Variants in ST3GAL3 observed in about 807,000 individuals in gnomAD.
ST3GAL3 encodes CMP-N-acetylneuraminate-beta-1,4-galactoside alpha-2,3-sialyltransferase.
Under a neutral mutation model 50.1 loss-of-function variants are expected in ST3GAL3, and 21 were observed. That is an observed-to-expected ratio of 0.42 (90% CI 0.30 to 0.60). The LOEUF is 0.60. Among genes scored for constraint, ST3GAL3 ranks in the 20% least tolerant of loss-of-function variants. The pLI is 0.19. For synonymous variants in ST3GAL3, 183 were observed against 190.0 expected, an observed-to-expected ratio of 0.96 and a Z score of 0.30; for missense variants, 353 against 489.4, an observed-to-expected ratio of 0.72 and a Z score of 2.63.
intron 2 of ST3GAL3, among the ~76,000 whole-genome samples, chr1:43,749,635 T>C (rs1476529248): frequency 6.6e-6 from 1 of 152,142 alleles, no homozygotes; most frequent in African/African-American, 2.4e-5. Context: ...AGATATTTCA[T>C]ACAAAAAAAA....
chr1:43,806,725 C>T (rs2059928196), intron 3 of ST3GAL3, among the ~76,000 whole-genome samples: 1 of 152,184 alleles, frequency 6.6e-6, no homozygotes, highest in Non-Finnish European at 1.5e-5. Context: ...GTCTTACTCC[C>T]GTTGCCCAGG....
Position 43,899,648 on chromosome 1 carries a change from G to A in ST3GAL3, c.665G>A (p.Arg222His), listed in dbSNP as rs1317991511. 7.4e-6 allele frequency: 12 copies of A among 1,614,152 alleles called. No homozygotes were observed. Among genetic ancestry groups the A allele is most frequent in the Admixed American group, 1.7e-5 (1 of 60,022 alleles). Residue 222 changes from arginine (R) to histidine (H), a missense_variant, in exon 9 of 12, where the codon CGC becomes CAC. By Grantham distance (29) the Arg-to-His change is conservative. Transcript: ENST00000347631. This position sits in a 1 kb window ranked among gnomAD's most constrained non-coding sequence, Gnocchi z 5.4. Reference sequence around the variant, plus strand: ...ATGCAGCGGCCTGAGCAGTACGAGCGCGATTCTCTCTTTGTCCTCGCCGGC... The same window carrying A: ...ATGCAGCGGCCTGAGCAGTACGAGCACGATTCTCTCTTTGTCCTCGCCGGC... ...GAMQRPEQYE[R>H]DSLFVLAGFK...
intron 1 of ST3GAL3, among the ~76,000 whole-genome samples, chr1:43,724,320 C>T (rs549836422): frequency 6.6e-6 from 1 of 152,088 alleles, no homozygotes; most frequent in Non-Finnish European, 1.5e-5. Flanking sequence ...AAGTGATCCT[C>T]CTGCTTCAGC....
chr1:43,887,062 T>G (rs2076091496), intron 5 of ST3GAL3, among the ~76,000 whole-genome samples: 1 of 152,136 alleles, frequency 6.6e-6, no homozygotes, highest in Non-Finnish European at 1.5e-5. Flanking sequence ...TATCTGATGG[T>G]CTTGGTTTTT....
chr1:43,756,547 T>TAC (rs36004035), intron 2 of ST3GAL3, among the ~76,000 whole-genome samples: 102,431 of 150,648 alleles, frequency 0.68, 35,072 homozygotes, highest in Non-Finnish European at 0.73. Context: ...ATGTATTGTA[T>TAC]ACACACACAC....
chr1:43,810,868 C>T (rs1216771974), intron 3 of ST3GAL3, among the ~76,000 whole-genome samples: 1 of 152,050 alleles, frequency 6.6e-6, no homozygotes, highest in Non-Finnish European at 1.5e-5. Context: ...AGAGTACAGG[C>T]AATAGAGGGA....
intron 9 of ST3GAL3, among the ~76,000 whole-genome samples, chr1:43,908,832 A>G (rs2080280633): frequency 6.6e-6 from 1 of 152,012 alleles, no homozygotes; most frequent in Admixed American, 6.6e-5. Flanking sequence ...GGGTTTCGCC[A>G]TGTTGGCCAG....
chr1:43,716,611 A>G (rs1667517351), intron 1 of ST3GAL3: 3 of 152,210 alleles, frequency 2.0e-5, no homozygotes, highest in Non-Finnish European at 4.4e-5. Flanking sequence ...CATCTGTACT[A>G]CATGAACCGT....
chr1:43,896,986 A>G (rs2077475730), intron 6 of ST3GAL3, among the ~76,000 whole-genome samples: 2 of 150,024 alleles, frequency 1.3e-5, no homozygotes, highest in African/African-American at 4.9e-5. Context: ...ATATTTTTTT[A>G]ATGTGTTTTT....
chr1:43,818,929 G>A (rs1249688626), intron 4 of ST3GAL3, among the ~76,000 whole-genome samples: 2 of 152,168 alleles, frequency 1.3e-5, no homozygotes, highest in Non-Finnish European at 2.9e-5. Context: ...AACTCTTTTG[G>A]CAAAGGGCCA....
chr1:43,889,341 TTGAA>T (rs1041456528), intron 5 of ST3GAL3, among the ~76,000 whole-genome samples: 1 of 152,182 alleles, frequency 6.6e-6, no homozygotes, highest in African/African-American at 2.4e-5. Flanking sequence ...CTAGACTTCT[TTGAA>T]TGTATTTTGT....
intron 5 of ST3GAL3, among the ~76,000 whole-genome samples, chr1:43,867,148 A>C (rs868236808): frequency 4.5e-4 from 69 of 152,296 alleles, no homozygotes; most frequent in African/African-American, 1.5e-3. Flanking sequence ...TAAAGCCATC[A>C]GATCTCGTGA....
At chr1:43,846,944 TACTC>T (rs1173387804) in intron 5 of ST3GAL3, among the ~76,000 whole-genome samples, 7 of 152,192 alleles carry the variant, frequency 4.6e-5, no homozygotes, top group African/African-American at 1.7e-4. Flanking sequence ...GAACTTCTAA[TACTC>T]AACAACAAGA....
intron 9 of ST3GAL3, among the ~76,000 whole-genome samples, chr1:43,909,276 G>A (rs2080368967): frequency 6.6e-6 from 1 of 152,192 alleles, no homozygotes; most frequent in African/African-American, 2.4e-5. Flanking sequence ...CATTGCCCTG[G>A]AAGGTCTTTC....
At chr1:43,859,538 G>A (rs183321367) in intron 5 of ST3GAL3, among the ~76,000 whole-genome samples, 13 of 151,644 alleles carry the variant, frequency 8.6e-5, no homozygotes, top group Admixed American at 6.6e-4. Flanking sequence ...CAGCCTGGGC[G>A]ACAGAGTGAG....
intron 4 of ST3GAL3, among the ~76,000 whole-genome samples, chr1:43,817,731 C>T (rs1293696897): frequency 3.2e-5 from 3 of 92,714 alleles, no homozygotes; most frequent in African/African-American, 1.1e-4. Context: ...TTCTCCTCCT[C>T]CCCCTCCTCC....
chr1:43,731,969 C>T (rs1364190415), intron 1 of ST3GAL3, among the ~76,000 whole-genome samples: 2 of 152,062 alleles, frequency 1.3e-5, no homozygotes, highest in East Asian at 1.9e-4. Context: ...TGAGTCATGG[C>T]GCCCGGCCCT....
At chr1:43,751,510 T>A (rs1686067508) in intron 2 of ST3GAL3, among the ~76,000 whole-genome samples, 2 of 152,234 alleles carry the variant, frequency 1.3e-5, no homozygotes, top group Non-Finnish European at 2.9e-5. Context: ...ACAGATACTC[T>A]GCAGCCATTG....
At chr1:43,813,594 T>C (rs1216705179) in intron 3 of ST3GAL3, among the ~76,000 whole-genome samples, 1 of 152,118 alleles carries the variant, frequency 6.6e-6, no homozygotes, top group Non-Finnish European at 1.5e-5. Flanking sequence ...AAGAAGAGGA[T>C]TTATTCTCTC....
Sources: allele counts gnomAD v4.1 joint callset (sites outside exome capture counted in the v4.1 genomes callset), GRCh38; gene constraint gnomAD v4.1.1; non-coding constraint Gnocchi (gnomAD v3.1); transcripts MANE v1.5; gene names NCBI Gene and HGNC (gene_info 2026-07-23, HGNC 2026-07-21).